PPIG: variants seen among roughly 807,000 people sequenced by gnomAD.
PPIG encodes the protein peptidylprolyl isomerase G.
In PPIG, 26 loss-of-function variants were observed where a neutral mutation model predicts 87.9. That is an observed-to-expected ratio of 0.30 (90% CI 0.22 to 0.41). The LOEUF (loss-of-function observed/expected upper bound fraction) is 0.41, where lower values mean the gene tolerates loss of function less well. Ranked by LOEUF, PPIG falls within the 10% of genes least tolerant of loss-of-function variation. The pLI is 1.00. For missense variants in PPIG, 722 were observed against 879.4 expected, an observed-to-expected ratio of 0.82 and a Z score of 2.26; for synonymous variants, 308 against 276.5, an observed-to-expected ratio of 1.11 and a Z score of -1.13.
rs879003605 is a variant in PPIG at position 169,604,328 on chromosome 2, T to G, written c.136+67T>G. On this transcript the variant is annotated intron_variant, in intron 4 of 13. Coordinates refer to ENST00000260970, the MANE Select transcript of PPIG (RefSeq NM_004792.3). ...GACTATGGCTTGCTTGCTTGCTTGGTTTTTTTTTTTTTTTTTTTTTTTTTT... is the reference window on the plus strand; with the variant it reads ...GACTATGGCTTGCTTGCTTGCTTGGGTTTTTTTTTTTTTTTTTTTTTTTTT... 7.8e-3 allele frequency: 344 copies of G among 43,860 alleles called. 4 individuals carry two copies. The highest frequency in any genetic ancestry group is 0.036 in the African/African-American group (277 of 7,794). The allele number at this position is 43,860 out of a possible 1,614,324, so 2.7% of individuals were successfully genotyped here.
chr2:169,599,358 A>G (rs1685112186), intron 1 of PPIG, among the ~76,000 whole-genome samples: 2 of 152,030 alleles, frequency 1.3e-5, no homozygotes, highest in Admixed American at 6.6e-5. Flanking sequence ...CATTTAACAC[A>G]TTTTTTCATG....
chr2:169,633,656 C>T lies in PPIG; in HGVS notation c.1017+409C>T, dbSNP rs573908747. ...CTTTATAGAAACTTGGCTATACTTT[C>T]CTGTCTTATGTCTTCACTTCCTACT... On this transcript the variant is annotated intron_variant, in intron 12 of 13. Transcript: ENST00000260970. The T allele has an allele frequency of 2.0e-4, 43 of 211,972 alleles. No individual in the cohort carries two copies. In the South Asian group the frequency reaches 4.6e-3, roughly 23 times the overall value. 13.1% of individuals were successfully genotyped at this position (211,972 alleles called of 1,614,324 possible). A position where few individuals can be genotyped will look rare whatever the true frequency, so the allele number is the denominator to read the frequency against.
Position 169,628,939 on chromosome 2 carries a change from C to CAAAAAAAA in PPIG, c.548-1813_548-1806dup, listed in dbSNP as rs71006010. 2.8e-4 allele frequency among the ~76,000 whole-genome samples: 26 copies of CAAAAAAAA among 92,324 alleles called. 1 individual carries two copies. Among genetic ancestry groups the CAAAAAAAA allele is most frequent in the African/African-American group, 9.0e-4 (22 of 24,542 alleles). The allele number at this position is 92,324 out of a possible 152,430, so 60.6% of individuals were successfully genotyped here. ...GGGCAACAGAGCAAGACCCTGTCTC[C>CAAAAAAAA]AAAAAAAAAAAAAAAAAAAAAAAAA... On this transcript the variant is annotated intron_variant, in intron 9 of 13. Transcript: ENST00000260970.
rs573608758 is a variant in PPIG at position 169,598,353 on chromosome 2, C to T, written c.-69-5289C>T. On this transcript the variant is annotated intron_variant, in intron 1 of 13. Coordinates refer to ENST00000260970, the MANE Select transcript of PPIG (RefSeq NM_004792.3). ...TCGCCCAGGCTGGAGTGCAGTGGCG[C>T]GATCTTGGCCCACTGCAAGCTCTGC... Among the ~76,000 whole-genome samples, 27 of 151,972 alleles carry T rather than the reference C, an allele frequency of 1.8e-4. No homozygotes were observed. In the East Asian group the frequency reaches 4.5e-3, roughly 25 times the overall value.
At chr2:169,635,934 A>G (rs761859841) in intron 12 of PPIG, among the ~76,000 whole-genome samples, 158 bp from the exon 13 acceptor site, 30 of 152,244 alleles carry the variant, frequency 2.0e-4, no homozygotes, top group Non-Finnish European at 4.3e-4. Flanking sequence ...GGAAACATAT[A>G]CTTTTAAGCT....
Position 169,636,965 on chromosome 2 carries a change from G to A in PPIG, c.1707G>A (p.Arg569=). Residue 569 remains arginine (R), a synonymous_variant, in exon 14 of 14, where the codon AGG becomes AGA. Transcript: ENST00000260970. ...GAACAAGAGAACGAAGCAGAAGTAG[G>A]GACAGAAGCAGAAGAGTGCGATCAA... ...NSRTRERSRS[R]DRSRRVRSRT... 1 of 1,613,860 alleles carries A rather than the reference G, an allele frequency of 6.2e-7. No homozygotes were observed. The highest frequency in any genetic ancestry group is 8.5e-7 in the Non-Finnish European group (1 of 1,179,932).
chr2:169,632,902 G>A (rs1406330679), intron 11 of PPIG, among the ~76,000 whole-genome samples: 1 of 151,336 alleles, frequency 6.6e-6, no homozygotes, highest in Non-Finnish European at 1.5e-5. Context: ...CACTTTGGGA[G>A]GCCAAGGTGG....
intron 9 of PPIG, among the ~76,000 whole-genome samples, chr2:169,623,132 C>T (rs1196906471): frequency 6.6e-6 from 1 of 152,026 alleles, no homozygotes; most frequent in African/African-American, 2.4e-5. Context: ...AGGAGAAAAA[C>T]CTTCCAGCAG....
At chr2:169,626,510 G>C (rs1291315268) in intron 9 of PPIG, among the ~76,000 whole-genome samples, 3 of 149,972 alleles carry the variant, frequency 2.0e-5, no homozygotes, top group Non-Finnish European at 4.4e-5. Flanking sequence ...CTCTGCCTCA[G>C]CCTCCCGAGT....
At chr2:169,620,971 G>C (rs1228271375) in intron 9 of PPIG, among the ~76,000 whole-genome samples, 2 of 152,046 alleles carry the variant, frequency 1.3e-5, no homozygotes, top group Non-Finnish European at 2.9e-5. Context: ...AATGCTTTCT[G>C]ATTCTCACAG....
chr2:169,599,791 C>T (rs2105481600), intron 1 of PPIG, among the ~76,000 whole-genome samples: 1 of 152,154 alleles, frequency 6.6e-6, no homozygotes, highest in East Asian at 1.9e-4. Context: ...GTTGGATAAC[C>T]CTACTCAATG....
At chr2:169,606,213 C>T in intron 5 of PPIG, 67 bp downstream of exon 5, 1 of 1,201,050 alleles carries the variant, frequency 8.3e-7, no homozygotes, top group Non-Finnish European at 1.2e-6. Context: ...TAGACAAGTC[C>T]CTAGAAGTTT....
intron 9 of PPIG, 38 bp downstream of exon 9, chr2:169,614,762 A>G (rs1279470661): frequency 8.3e-6 from 13 of 1,557,918 alleles, no homozygotes; most frequent in Non-Finnish European, 1.1e-5. Flanking sequence ...ATACTTACAC[A>G]TACAAAATAA....
At chr2:169,597,180 A>T (rs1054733811) in intron 1 of PPIG, among the ~76,000 whole-genome samples, 11 of 152,176 alleles carry the variant, frequency 7.2e-5, no homozygotes, top group Non-Finnish European at 4.4e-5. Context: ...AATAGATAAT[A>T]TATTCATGTG....
chr2:169,622,344 G>C (rs920553237), intron 9 of PPIG, among the ~76,000 whole-genome samples: 3 of 152,216 alleles, frequency 2.0e-5, no homozygotes, highest in Non-Finnish European at 2.9e-5. Context: ...GATTCTTTTG[G>C]TACTAAAAGG....
At chr2:169,595,054 G>T (rs1222375713) in intron 1 of PPIG, among the ~76,000 whole-genome samples, 1 of 151,988 alleles carries the variant, frequency 6.6e-6, no homozygotes, top group Non-Finnish European at 1.5e-5. Flanking sequence ...TCAGCCTCCT[G>T]AGTAACTGGG....
rs377679966 is a variant in PPIG at position 169,614,732 on chromosome 2, G to A, written c.547+8G>A. The A allele has an allele frequency of 6.3e-6, 10 of 1,592,032 alleles. No homozygotes were observed. The highest frequency in any genetic ancestry group is 1.9e-5 in the Admixed American group (1 of 53,842). Reference sequence around the variant, plus strand: ...TGATTCCCAAATCTAAAGGTAAAAAGGAAGTACATATTTCTGAGAATACTT... The same window carrying A: ...TGATTCCCAAATCTAAAGGTAAAAAAGAAGTACATATTTCTGAGAATACTT... On this transcript the variant is annotated splice_region_variant and intron_variant, in intron 9 of 13. Transcript: ENST00000260970.
At chr2:169,588,080 G>A (rs901240500) in intron 1 of PPIG, among the ~76,000 whole-genome samples, 1 of 152,042 alleles carries the variant, frequency 6.6e-6, no homozygotes, top group Non-Finnish European at 1.5e-5. Context: ...CAGGAGAATC[G>A]CTTGAACCCG....
chr2:169,600,303 G>T (rs1685145063), intron 1 of PPIG, among the ~76,000 whole-genome samples: 1 of 152,038 alleles, frequency 6.6e-6, no homozygotes, highest in South Asian at 2.1e-4. Flanking sequence ...TCGAACAGCT[G>T]GACTTAAGCA....
Sources: allele counts gnomAD v4.1 joint callset (sites outside exome capture counted in the v4.1 genomes callset), GRCh38; gene constraint gnomAD v4.1.1; transcripts MANE v1.5; gene names NCBI Gene and HGNC (gene_info 2026-07-23, HGNC 2026-07-21).